Variants in PDE1A observed in about 807,000 individuals in gnomAD.
PDE1A encodes dual specificity calcium/calmodulin-dependent 3',5'-cyclic nucleotide phosphodiesterase 1A.
In PDE1A, 35 loss-of-function variants were observed where a neutral mutation model predicts 61.7. The ratio of observed to expected loss-of-function variants is 0.57; its 90% CI spans 0.43 to 0.75. The LOEUF is 0.75. Ranked by LOEUF, PDE1A falls within the 30% of genes least tolerant of loss-of-function variation. The probability of loss-of-function intolerance (pLI) is 0.00; values close to 1 mark genes in which losing one functional copy is unlikely to be tolerated. For missense variants in PDE1A, 597 were observed against 630.6 expected (o/e 0.95, Z 0.57); for synonymous variants, 232 against 213.2 (o/e 1.09, Z -0.77).
intron 1 of PDE1A, among the ~76,000 whole-genome samples, chr2:182,386,947 T>C (rs910929491): frequency 5.9e-5 from 9 of 152,192 alleles, no homozygotes; most frequent in Non-Finnish European, 1.0e-4. Flanking sequence ...GAATGGGCCA[T>C]GATGACGACG....
At chr2:182,344,006 G>T (rs1480079573) in intron 1 of PDE1A, among the ~76,000 whole-genome samples, 2 of 151,782 alleles carry the variant, frequency 1.3e-5, no homozygotes, top group Non-Finnish European at 2.9e-5. Context: ...AAGTAACTGG[G>T]ACTACAGGCA....
At chr2:182,540,421 T>A in the PDE1A span, among the ~76,000 whole-genome samples, 2 of 145,788 alleles carry the variant, frequency 1.4e-5, no homozygotes, top group African/African-American at 2.5e-5. Context: ...CAGCAGGAAG[T>A]CAGAAGAGGT....
At chr2:182,437,448 T>C (rs1574655061) in intron 2 of PDE1A, among the ~76,000 whole-genome samples, 1 of 151,916 alleles carries the variant, frequency 6.6e-6, no homozygotes, top group Non-Finnish European at 1.5e-5. Context: ...ATAGGCTCCA[T>C]TCATAGACTT....
At chr2:182,627,170 A>ATATTTATATATAAAATATAAATATTATAT in the PDE1A span, among the ~76,000 whole-genome samples, 5 of 16,246 alleles carry the variant, frequency 3.1e-4, 1 homozygote, top group African/African-American at 8.3e-4. Context: ...AATATAAATA[A>ATATTTATATATAAAATATAAATATTATAT]TATTTATATA....
intron 1 of PDE1A, among the ~76,000 whole-genome samples, chr2:182,334,305 C>T (rs1191566298): frequency 1.3e-5 from 2 of 150,984 alleles, no homozygotes; most frequent in African/African-American, 4.9e-5. Flanking sequence ...CACACACACA[C>T]ACCAAAAAAA....
the PDE1A span, among the ~76,000 whole-genome samples, chr2:182,577,918 G>A: frequency 2.5e-5 from 3 of 120,278 alleles, no homozygotes; most frequent in African/African-American, 1.0e-4. Context: ...AGACTTTGTC[G>A]AAAGAAAGAA....
At chr2:182,223,959 C>A (rs780468352) in exon 7 of PDE1A, 1 of 1,597,906 alleles carries the variant, frequency 6.3e-7, no homozygotes, top group South Asian at 1.1e-5. Flanking sequence ...GTTCAGTGAG[C>A]CAGTGCTAGT....
the PDE1A span, among the ~76,000 whole-genome samples, chr2:182,566,573 ATTTC>A: frequency 2.6e-3 from 390 of 151,878 alleles, 4 homozygotes; most frequent in African/African-American, 8.9e-3. Flanking sequence ...GATTTTAAAT[ATTTC>A]TTTCTAGTTT....
chr2:182,623,648 C>T, the PDE1A span, among the ~76,000 whole-genome samples: 1 of 152,146 alleles, frequency 6.6e-6, no homozygotes, highest in Non-Finnish European at 1.5e-5. Flanking sequence ...GAGTGGAGGG[C>T]AGGTCTTGCA....
chr2:182,478,860 T>G (rs2125836103), intron 2 of PDE1A, among the ~76,000 whole-genome samples: 2 of 152,050 alleles, frequency 1.3e-5, no homozygotes, highest in South Asian at 4.1e-4. Context: ...AAATCTAGCT[T>G]ATGACTTTAA....
chr2:182,285,376 A>C (rs556489999), intron 1 of PDE1A, among the ~76,000 whole-genome samples: 128 of 152,068 alleles, frequency 8.4e-4, no homozygotes, highest in Non-Finnish European at 1.4e-3. Context: ...TTTAAAATGC[A>C]TGAACCGACC....
the PDE1A span, among the ~76,000 whole-genome samples, chr2:182,586,431 T>C: frequency 1.3e-5 from 2 of 152,214 alleles, no homozygotes. Flanking sequence ...TTCTTGTTCC[T>C]TGTCTTAAAA....
At chr2:182,528,423 A>G in the PDE1A span, among the ~76,000 whole-genome samples, 1 of 152,234 alleles carries the variant, frequency 6.6e-6, no homozygotes, top group Non-Finnish European at 1.5e-5. Flanking sequence ...GCAGCAAAGC[A>G]GTCAAGAAGT....
chr2:182,197,444 T>C (rs530862009), intron 10 of PDE1A, among the ~76,000 whole-genome samples: 1 of 151,734 alleles, frequency 6.6e-6, no homozygotes, highest in South Asian at 2.1e-4. Context: ...TGGGTAATGC[T>C]TTATGTGTCT....
the PDE1A span, among the ~76,000 whole-genome samples, chr2:182,565,656 T>C: frequency 3.9e-5 from 6 of 152,140 alleles, no homozygotes; most frequent in African/African-American, 1.4e-4. Context: ...AAACACAATT[T>C]ATAAGGGAGA....
the PDE1A span, among the ~76,000 whole-genome samples, chr2:182,623,008 TC>T: frequency 2.0e-5 from 3 of 152,140 alleles, no homozygotes; most frequent in Non-Finnish European, 4.4e-5. Flanking sequence ...TAAATGGCAC[TC>T]AACAACATTA....
At chr2:182,386,288 G>A (rs546042610) in intron 1 of PDE1A, among the ~76,000 whole-genome samples, 5 of 151,122 alleles carry the variant, frequency 3.3e-5, no homozygotes, top group Non-Finnish European at 5.9e-5. Flanking sequence ...AGTGAGGAGC[G>A]TCTCTGCTTG....
At chr2:182,584,144 G>A in the PDE1A span, among the ~76,000 whole-genome samples, 1 of 151,972 alleles carries the variant, frequency 6.6e-6, no homozygotes, top group South Asian at 2.1e-4. Flanking sequence ...GTTGGACTTA[G>A]AGAGACTTCA....
At chr2:182,611,661 G>A in the PDE1A span, among the ~76,000 whole-genome samples, 9 of 151,652 alleles carry the variant, frequency 5.9e-5, no homozygotes, top group East Asian at 1.9e-4. Flanking sequence ...TTCCAAAGAC[G>A]GTGCTTTTAC....
Sources: gnomAD v4.1 joint callset for allele counts (sites outside exome capture counted in the v4.1 genomes callset) on GRCh38, gnomAD v4.1.1 for gene constraint, MANE v1.5 for transcripts, NCBI Gene and HGNC (gene_info 2026-07-23, HGNC 2026-07-21) for gene names.